ANKRD30A: variants seen among roughly 807,000 people sequenced by gnomAD.
The protein encoded by ANKRD30A is ankyrin repeat domain 30A.
ANKRD30A carries 170 observed loss-of-function variants against 166.3 expected under a neutral mutation model. The observed-to-expected ratio is 1.02, with a 90% CI of 0.90 to 1.16. The LOEUF (loss-of-function observed/expected upper bound fraction) is 1.16, where lower values mean the gene tolerates loss of function less well. Ranked by LOEUF, ANKRD30A falls within the 50% of genes most tolerant of loss-of-function variation. ANKRD30A has a pLI of 0.00. For missense variants in ANKRD30A, 1,630 were observed against 1,518.0 expected (o/e 1.07, Z -1.23); for synonymous variants, 564 against 508.9 (o/e 1.11, Z -1.46).
At chr10:37,197,709 C>T (rs1841255428) in intron 29 of ANKRD30A, among the ~76,000 whole-genome samples, 1 of 151,972 alleles carries the variant, frequency 6.6e-6, no homozygotes, top group Non-Finnish European at 1.5e-5. Context: ...CTTTTGTATC[C>T]TGAAACTGTA....
At chr10:37,239,988 T>C in the ANKRD30A span, among the ~76,000 whole-genome samples, 1 of 152,044 alleles carries the variant, frequency 6.6e-6, no homozygotes, top group Non-Finnish European at 1.5e-5. Flanking sequence ...GAAAGGTACA[T>C]TGCAAAATTT....
chr10:37,224,650 T>C (rs1463617327), intron 34 of ANKRD30A, among the ~76,000 whole-genome samples: 1 of 151,548 alleles, frequency 6.6e-6, no homozygotes, highest in African/African-American at 2.4e-5. Context: ...GCTGAGAACT[T>C]TAATTTGTTC....
chr10:37,219,180 A>G lies in ANKRD30A; in HGVS notation c.3468A>G (p.Ser1156=). The part of the protein sequence containing the change: ...LQMTLKLKEE[S]LTKRASQYSG... ...TGACCCTAAAACTGAAAGAGGAATC[A>G]TTAACTAAAAGGGCATCTCAATATA... The change falls in exon 34 of 36, where the codon TCA becomes TCG. Residue 1156 remains serine, a synonymous_variant. Transcript: ENST00000361713. 1.2e-6 allele frequency: 2 copies of G among 1,610,626 alleles called. No homozygotes were observed. Among genetic ancestry groups the G allele is most frequent in the Non-Finnish European group, 1.7e-6 (2 of 1,177,610 alleles).
At chr10:37,206,606 A>G (rs1212874740) in intron 31 of ANKRD30A, among the ~76,000 whole-genome samples, 2 of 152,132 alleles carry the variant, frequency 1.3e-5, no homozygotes, top group African/African-American at 2.4e-5. Context: ...CCTGGCCAAC[A>G]TGGTGAAACC....
In ANKRD30A at chr10:37,183,627, C is replaced by G. The variant is rs1355473716; in HGVS notation, c.2422-5840C>G. Among the ~76,000 whole-genome samples the G allele has an allele frequency of 2.0e-5, 3 of 147,330 alleles. 1 individual carries two copies. The highest frequency in any genetic ancestry group is 4.5e-5 in the Non-Finnish European group (3 of 66,122). On this transcript the variant is annotated intron_variant, in intron 24 of 35. Coordinates refer to ENST00000361713, the MANE Select transcript of ANKRD30A (RefSeq NM_052997.3). ...TCTTTTTCCCTAGAGAGGATCTAGA[C>G]TTTTCATCTGTTTACATGGGAAGAA...
intron 24 of ANKRD30A, among the ~76,000 whole-genome samples, chr10:37,183,799 A>C (rs71493766): frequency 4.1e-5 from 5 of 120,842 alleles, no homozygotes; most frequent in Non-Finnish European, 7.4e-5. Context: ...ACCTAATATA[A>C]TTGTCAACCA....
At chr10:37,245,296 G>A in the ANKRD30A span, among the ~76,000 whole-genome samples, 10 of 152,160 alleles carry the variant, frequency 6.6e-5, no homozygotes, top group African/African-American at 2.4e-4. Flanking sequence ...TAGTTAAGCT[G>A]TCTTGCTAAA....
In ANKRD30A at chr10:37,156,223, C is replaced by G. The variant is rs76338247; in HGVS notation, c.1799-2169C>G. Among the ~76,000 whole-genome samples the G allele has an allele frequency of 9.4e-3, 1,434 of 152,176 alleles. 31 individuals carry two copies. The highest frequency in any genetic ancestry group is 0.033 in the African/African-American group (1,357 of 41,516). ...AGTGTATGTCCTACTTCATGCTATACTAGAAATTAAAAGTGAAGTACTGAA... is the reference window on the plus strand; with the variant it reads ...AGTGTATGTCCTACTTCATGCTATAGTAGAAATTAAAAGTGAAGTACTGAA... On this transcript the variant is annotated intron_variant, in intron 13 of 35. Transcript: ENST00000361713.
the ANKRD30A span, among the ~76,000 whole-genome samples, chr10:37,265,372 T>C: frequency 6.6e-6 from 1 of 152,070 alleles, no homozygotes; most frequent in African/African-American, 2.4e-5. Context: ...CACCCTGGGG[T>C]TGCCCGCAGC....
At chr10:37,236,080 C>G (rs1180840165), downstream of ANKRD30A, among the ~76,000 whole-genome samples, 1 of 152,114 alleles carries the variant, frequency 6.6e-6, no homozygotes, top group African/African-American at 2.4e-5. Context: ...ATTTCAGTTT[C>G]TTCCAGCCCT....
chr10:37,196,048 G>T (rs1281838825), intron 27 of ANKRD30A, among the ~76,000 whole-genome samples: 1 of 149,638 alleles, frequency 6.7e-6, no homozygotes, highest in Non-Finnish European at 1.5e-5. Flanking sequence ...AAACAGTGTT[G>T]TATGGGAAGA....
chr10:37,193,311 G>A (rs1840758155), intron 27 of ANKRD30A, 53 bp downstream of exon 27: 5 of 1,551,836 alleles, frequency 3.2e-6, no homozygotes, highest in Admixed American at 3.6e-5. Flanking sequence ...TAAAATATTT[G>A]AAATGCTGTG....
At chr10:37,162,089 A>G (rs1013579656) in intron 15 of ANKRD30A, among the ~76,000 whole-genome samples, 4 of 152,176 alleles carry the variant, frequency 2.6e-5, no homozygotes, top group African/African-American at 9.7e-5. Context: ...GCATTCAGAC[A>G]GCTAAAGTAG....
At chr10:37,137,696 G>T (rs529941477) in intron 6 of ANKRD30A, among the ~76,000 whole-genome samples, 20 of 152,182 alleles carry the variant, frequency 1.3e-4, no homozygotes, top group Admixed American at 1.3e-3. Flanking sequence ...TACCATTGCC[G>T]AGGCTTGAGT....
In ANKRD30A at chr10:37,219,257, T is replaced by G; in HGVS notation, c.3545T>G (p.Leu1182Trp). ...GAGAACACAATGCTCACTTCTAAAT[T>G]GAAGGAAAAACAAGACAAAGAAATA... Reference protein sequence around the residue: ...IAENTMLTSKLKEKQDKEILE... With the variant: ...IAENTMLTSKWKEKQDKEILE... The change falls in exon 34 of 36, where the codon TTG becomes TGG. Residue 1182 changes from leucine (L) to tryptophan (W), a missense_variant. Physicochemically the swap from Leu to Trp is moderately conservative, Grantham distance 61. This residue lies in a region of ANKRD30A where 712 missense variants were observed against 629.3 expected (regional missense o/e 1.13). Coordinates refer to ENST00000361713, the MANE Select transcript of ANKRD30A (RefSeq NM_052997.3). 3.1e-6 allele frequency: 5 copies of G among 1,610,436 alleles called. No individual in the cohort carries two copies. Among genetic ancestry groups the G allele is most frequent in the Non-Finnish European group, 3.4e-6 (4 of 1,177,636 alleles).
At position 37,197,439 on chromosome 10, in the gene ANKRD30A, A is replaced by G. The variant is rs2132679742; in HGVS notation, c.2675A>G (p.Asn892Ser). 6.2e-7 allele frequency: 1 copy of G among 1,612,638 alleles called. No individual in the cohort carries two copies. The highest frequency in any genetic ancestry group is 8.5e-7 in the Non-Finnish European group (1 of 1,179,716). The change falls in exon 29 of 36, where the codon AAT (asparagine) becomes AGT (serine). Residue 892 changes from asparagine (N) to serine (S), a missense_variant. By Grantham distance (46) the Asn-to-Ser change is conservative. Around this residue, in one of 4 missense-constraint regions of ANKRD30A, gnomAD observed 712 missense variants for 629.3 expected, o/e 1.13. Transcript: ENST00000361713. ...ATTGAAATGCAAAAGTCTGTTCCAAATAAAGCCTTGGAATTGAAGAATGAA... is the reference window on the plus strand; with the variant it reads ...ATTGAAATGCAAAAGTCTGTTCCAAGTAAAGCCTTGGAATTGAAGAATGAA... ...PAIEMQKSVPNKALELKNEQT... is the reference protein window; with the variant it reads ...PAIEMQKSVPSKALELKNEQT...
Position 37,217,928 on chromosome 10 carries a change from A to T in ANKRD30A, c.3267+50A>T, listed in dbSNP as rs540100637. 166 of 1,321,698 alleles carry T rather than the reference A, an allele frequency of 1.3e-4. 2 individuals carry two copies. In the South Asian group the frequency reaches 2.5e-3, roughly 20 times the overall value. The allele number at this position is 1,321,698 out of a possible 1,614,324, so 81.9% of individuals were successfully genotyped here. A position where few individuals can be genotyped will look rare whatever the true frequency, so the allele number is the denominator to read the frequency against. ...TTATATTTCTAACTTTATTTCATCA[A>T]TATTACTTTTAATATCCCTTTGATT... is the stretch of plus-strand genomic sequence containing the variant. On this transcript the variant is annotated intron_variant, in intron 33 of 35. Transcript: ENST00000361713.
chr10:37,234,292 TTTGA>T (rs1241028547), downstream of ANKRD30A, among the ~76,000 whole-genome samples: 3 of 152,196 alleles, frequency 2.0e-5, no homozygotes, highest in African/African-American at 7.2e-5. Flanking sequence ...AATTTTATAA[TTTGA>T]TTGGTTCTTT....
chr10:37,172,916 A>G (rs1839706279), intron 21 of ANKRD30A, among the ~76,000 whole-genome samples: 2 of 150,394 alleles, frequency 1.3e-5, no homozygotes, highest in African/African-American at 4.9e-5. Flanking sequence ...CTAATGATAC[A>G]CCAAACCAGG....
Sources: allele counts gnomAD v4.1 joint callset (sites outside exome capture counted in the v4.1 genomes callset), GRCh38; gene constraint gnomAD v4.1.1; regional missense constraint gnomAD v4.1.1; transcripts MANE v1.5; gene names NCBI Gene and HGNC (gene_info 2026-07-23, HGNC 2026-07-21).